The following PTPN13 variants were observed in gnomAD, a reference collection of about 807,000 sequenced individuals.
PTPN13 encodes the protein tyrosine-protein phosphatase non-receptor type 13.
Under a neutral mutation model 284.0 loss-of-function variants are expected in PTPN13, and 191 were observed. The observed-to-expected ratio is 0.67, with a 90% CI of 0.60 to 0.76. The LOEUF (loss-of-function observed/expected upper bound fraction) is 0.76, where lower values mean the gene tolerates loss of function less well. Ranked by LOEUF, PTPN13 falls within the 30% of genes least tolerant of loss-of-function variation. The probability of loss-of-function intolerance (pLI) is 0.00; values close to 1 mark genes in which losing one functional copy is unlikely to be tolerated. For missense variants in PTPN13, 2,797 were observed against 2,939.9 expected, an observed-to-expected ratio of 0.95 and a Z score of 1.12; for synonymous variants, 986 against 1,022.3, an observed-to-expected ratio of 0.96 and a Z score of 0.68.
rs1735416294 is a variant in PTPN13 at position 86,735,707 on chromosome 4, G to C, written c.2265G>C (p.Val755=). 1.9e-6 allele frequency: 3 copies of C among 1,611,646 alleles called. No individual in the cohort carries two copies. The African/African-American group carries it at 4.0e-5, about 22-fold the overall frequency. ...EELPKLHNTY[V]GASEKETELE... Reference sequence around the variant, plus strand: ...TACCCAAATTGCATAATACCTATGTGGGAGCTTCTGAAAAAGAGACAGAGT... The same window carrying C: ...TACCCAAATTGCATAATACCTATGTCGGAGCTTCTGAAAAAGAGACAGAGT... Residue 755 remains valine (V), a synonymous_variant, in exon 15 of 48, where the codon GTG becomes GTC. Transcript: ENST00000411767.
At chr4:86,620,602 A>G (rs1250401825) in intron 1 of PTPN13, among the ~76,000 whole-genome samples, 1 of 152,258 alleles carries the variant, frequency 6.6e-6, no homozygotes, top group Non-Finnish European at 1.5e-5. Flanking sequence ...ACTGTACTAG[A>G]ACATCATGTC....
intron 1 of PTPN13, among the ~76,000 whole-genome samples, chr4:86,606,339 C>A (rs1764739899): frequency 6.6e-6 from 1 of 151,802 alleles, no homozygotes; most frequent in Admixed American, 6.6e-5. Flanking sequence ...AAATCAAAAT[C>A]TTACTCATTT....
At chr4:86,747,989 G>A (rs765751674) in intron 17 of PTPN13, among the ~76,000 whole-genome samples, 3 of 152,176 alleles carry the variant, frequency 2.0e-5, no homozygotes, top group Non-Finnish European at 4.4e-5. Context: ...TTGCCCTCAT[G>A]TCATATATAG....
In PTPN13 at chr4:86,796,813, A is replaced by G. The variant is rs1320802273; in HGVS notation, c.6346-61A>G. On this transcript the variant is annotated intron_variant, in intron 40 of 47. Transcript: ENST00000411767. ...ATAGGAAATAACTAACAGGAAAAAA[A>G]TAGTATGCGATTTTTTTTGTTACAA... is the stretch of plus-strand genomic sequence containing the variant. 5.5e-6 allele frequency: 6 copies of G among 1,081,802 alleles called. No homozygotes were observed. In the African/African-American group the frequency reaches 6.4e-5, roughly 12 times the overall value. 67.0% of individuals were successfully genotyped at this position (1,081,802 alleles called of 1,614,324 possible). A position where few individuals can be genotyped will look rare whatever the true frequency, so the allele number is the denominator to read the frequency against.
chr4:86,772,719 A>G, intron 31 of PTPN13, 59 bp from the exon 32 acceptor site: 10 of 1,379,592 alleles, frequency 7.2e-6, no homozygotes, highest in Non-Finnish European at 9.8e-6. Flanking sequence ...TCTGGCACAA[A>G]CTAACCATAT....
At chr4:86,707,612 G>A (rs985434073) in intron 7 of PTPN13, among the ~76,000 whole-genome samples, 2 of 151,956 alleles carry the variant, frequency 1.3e-5, no homozygotes, top group African/African-American at 4.8e-5. Context: ...GGTACTTTTA[G>A]TATCTTAATA....
intron 9 of PTPN13, among the ~76,000 whole-genome samples, chr4:86,721,538 G>A (rs1264502111): frequency 3.3e-5 from 5 of 152,122 alleles, no homozygotes. Context: ...GGGGAGTAAT[G>A]TCCAAATTCT....
chr4:86,696,131 T>C (rs569897340), intron 6 of PTPN13, among the ~76,000 whole-genome samples: 2 of 152,074 alleles, frequency 1.3e-5, no homozygotes, highest in South Asian at 4.1e-4. Flanking sequence ...TATACCTACT[T>C]GATAACATAT....
At chr4:86,805,551 G>A (rs1744564494) in intron 44 of PTPN13, among the ~76,000 whole-genome samples, 182 bp downstream of exon 44, 1 of 152,022 alleles carries the variant, frequency 6.6e-6, no homozygotes, top group Admixed American at 6.6e-5. Context: ...AATTATGTAG[G>A]TATTCTGAAA....
intron 40 of PTPN13, among the ~76,000 whole-genome samples, chr4:86,792,790 T>A (rs2149341594): frequency 6.6e-6 from 1 of 152,284 alleles, no homozygotes; most frequent in Admixed American, 6.5e-5. Context: ...AATAAAATCC[T>A]TTGCAGACAA....
intron 2 of PTPN13, among the ~76,000 whole-genome samples, chr4:86,668,473 A>ATG (rs1254570748): frequency 6.6e-6 from 1 of 152,156 alleles, no homozygotes; most frequent in Non-Finnish European, 1.5e-5. Context: ...CGTAAATGTC[A>ATG]TGTGTGTGTT....
At position 86,741,654 on chromosome 4, in the gene PTPN13, A is replaced by G; in HGVS notation, c.2325A>G (p.Glu775=). The part of the protein sequence containing the change: ...EFLKVCQRLT[E]YGVHFHRVHP... The stretch of plus-strand genomic sequence containing the variant: ...AACAGGTCTGCCAAAGACTGACAGA[A>G]TATGGAGTTCATTTTCACCGAGTGC... The change falls in exon 16 of 48, where the codon GAA becomes GAG. Residue 775 remains glutamate (E), a synonymous_variant. Transcript: ENST00000411767. The G allele has an allele frequency of 1.2e-6, 2 of 1,613,488 alleles. No individual in the cohort carries two copies. Among genetic ancestry groups the G allele is most frequent in the Non-Finnish European group, 8.5e-7 (1 of 1,179,526 alleles).
intron 44 of PTPN13, 144 bp downstream of exon 44, chr4:86,805,513 T>C (rs185543466): frequency 2.2e-6 from 1 of 462,048 alleles, no homozygotes; most frequent in East Asian, 3.4e-5. Context: ...ACAAATACAT[T>C]GAAATATTCC....
At chr4:86,761,498 A>G (rs1350383553) in intron 23 of PTPN13, among the ~76,000 whole-genome samples, 1 of 152,130 alleles carries the variant, frequency 6.6e-6, no homozygotes, top group East Asian at 1.9e-4. Flanking sequence ...AGTGCCACCA[A>G]ATTGGACTTC....
intron 5 of PTPN13, 27 bp downstream of exon 5, chr4:86,689,217 T>C (rs371383030): frequency 8.9e-6 from 14 of 1,579,332 alleles, no homozygotes; most frequent in Non-Finnish European, 1.1e-5. Context: ...ATAGTAAATA[T>C]AGTCATATTT....
chr4:86,679,703 A>G (rs1447965555), intron 3 of PTPN13, among the ~76,000 whole-genome samples: 2 of 152,200 alleles, frequency 1.3e-5, no homozygotes, highest in Admixed American at 6.5e-5. Context: ...TATGTAGCAC[A>G]TGTAAAGCAG....
At position 86,814,588 on chromosome 4, in the gene PTPN13, C is replaced by T. The variant is rs1243753713; in HGVS notation, c.*37C>T. ...CCTCTGGATGCATTTCCATTTCTCT[C>T]CTTAACCTCCAGCAGACTCCTGCTC... is the stretch of plus-strand genomic sequence containing the variant. On this transcript the variant is annotated 3_prime_UTR_variant, in exon 48 of 48. Coordinates refer to ENST00000411767, the MANE Select transcript of PTPN13 (RefSeq NM_080683.3). 2.0e-6 allele frequency: 3 copies of T among 1,517,696 alleles called. No individual in the cohort carries two copies. The Admixed American group carries it at 5.1e-5, about 26-fold the overall frequency. 94.0% of individuals were successfully genotyped at this position (1,517,696 alleles called of 1,614,324 possible).
chr4:86,636,088 A>T (rs1722984482), intron 2 of PTPN13, among the ~76,000 whole-genome samples: 1 of 152,182 alleles, frequency 6.6e-6, no homozygotes, highest in South Asian at 2.1e-4. Context: ...AACTCATAAT[A>T]GGAGGATTTG....
At chr4:86,765,019 A>T (rs1739134407) in intron 25 of PTPN13, among the ~76,000 whole-genome samples, 1 of 152,182 alleles carries the variant, frequency 6.6e-6, no homozygotes, top group African/African-American at 2.4e-5. Context: ...TAGATATTTG[A>T]CAGTTTCTAC....
Sources: gnomAD v4.1 joint callset for allele counts (sites outside exome capture counted in the v4.1 genomes callset) on GRCh38, gnomAD v4.1.1 for gene constraint, MANE v1.5 for transcripts, NCBI Gene and HGNC (gene_info 2026-07-23, HGNC 2026-07-21) for gene names.